TLE2: variants seen among roughly 807,000 people sequenced by gnomAD.
TLE2 encodes transducin-like enhancer protein 2.
Under a neutral mutation model 97.2 loss-of-function variants are expected in TLE2, and 74 were observed. The ratio of observed to expected loss-of-function variants is 0.76; its 90% CI spans 0.63 to 0.92. The LOEUF (loss-of-function observed/expected upper bound fraction) is 0.92, where lower values mean the gene tolerates loss of function less well. Among genes scored for constraint, TLE2 ranks in the 40% least tolerant of loss-of-function variants. The pLI, the probability that TLE2 is intolerant of heterozygous loss-of-function variation, is 0.00. For missense variants in TLE2, 1,038 were observed against 1,008.7 expected, an observed-to-expected ratio of 1.03 and a Z score of -0.39; for synonymous variants, 499 against 432.1, an observed-to-expected ratio of 1.15 and a Z score of -1.92.
chr19:3,039,051 A>AT (rs953294811), intron 1 of TLE2, among the ~76,000 whole-genome samples: 2 of 137,282 alleles, frequency 1.5e-5, no homozygotes, highest in African/African-American at 6.3e-5. Context: ...CTCAAAAAAA[A>AT]AATAAAAATT....
chr19:3,036,409 A>C (rs1417737981), intron 1 of TLE2, among the ~76,000 whole-genome samples: 1 of 152,082 alleles, frequency 6.6e-6, no homozygotes, highest in Admixed American at 6.5e-5. Context: ...CCGGCGCGGT[A>C]TAATTACAGC....
intron 4 of TLE2, among the ~76,000 whole-genome samples, chr19:3,026,401 T>A (rs557000741): frequency 1.4e-5 from 2 of 143,756 alleles, no homozygotes; most frequent in African/African-American, 5.2e-5. Context: ...TGAGCCAAGA[T>A]CAGGTCATTG....
intron 2 of TLE2, 124 bp from the exon 3 acceptor site, chr19:3,028,506 C>T (rs1214452644): frequency 7.5e-6 from 8 of 1,073,062 alleles, no homozygotes; most frequent in African/African-American, 1.6e-5. Flanking sequence ...TGTCCCAGTC[C>T]CTCCCCGCCC....
intron 5 of TLE2, among the ~76,000 whole-genome samples, chr19:3,022,938 C>CA (rs1178483762): frequency 6.6e-6 from 1 of 152,092 alleles, no homozygotes; most frequent in Non-Finnish European, 1.5e-5. Flanking sequence ...GTGGCTATGT[C>CA]AATAAAACTT....
chr19:3,009,982 TCAAG>T (rs930973235), intron 12 of TLE2, among the ~76,000 whole-genome samples: 53 of 150,868 alleles, frequency 3.5e-4, no homozygotes, highest in African/African-American at 1.2e-3. Context: ...CCTCCTGGGT[TCAAG>T]CAATTCTGCT....
chr19:3,017,864 C>T lies in TLE2; in HGVS notation c.551-5G>A. On this transcript the variant is annotated splice_region_variant and splice_polypyrimidine_tract_variant and intron_variant, in intron 7 of 19. Coordinates refer to ENST00000262953, the MANE Select transcript of TLE2 (RefSeq NM_003260.5). ...CCCTGCTCGGGGCTCTCTCCACTGA[C>T]AGATTGGGAATGGGATAAAGAGAAA... The T allele has an allele frequency of 1.2e-6, 2 of 1,612,260 alleles. No individual in the cohort carries two copies. Among genetic ancestry groups the T allele is most frequent in the South Asian group, 1.1e-5 (1 of 90,854 alleles).
chr19:3,007,040 C>G (rs1178624007), intron 14 of TLE2, among the ~76,000 whole-genome samples: 2 of 152,144 alleles, frequency 1.3e-5, no homozygotes, highest in East Asian at 3.9e-4. Flanking sequence ...CCGCCTCGGC[C>G]TCCCGAAGTG....
chr19:3,009,107 T>C (rs989922572), intron 13 of TLE2, among the ~76,000 whole-genome samples, 162 bp from the exon 14 acceptor site: 2 of 151,640 alleles, frequency 1.3e-5, no homozygotes, highest in Non-Finnish European at 2.9e-5. Context: ...AGGGCTGAGG[T>C]TTTCACTTGA....
At chr19:2,998,713 G>T (rs1034420958) in intron 19 of TLE2, among the ~76,000 whole-genome samples, 1 of 152,162 alleles carries the variant, frequency 6.6e-6, no homozygotes, top group South Asian at 2.1e-4. Flanking sequence ...GCGCCCGGCA[G>T]AGCGACTTGT....
At chr19:2,998,500 ACTC>A (rs971460331) in intron 19 of TLE2, among the ~76,000 whole-genome samples, 4 of 150,636 alleles carry the variant, frequency 2.7e-5, no homozygotes, top group African/African-American at 9.8e-5. Context: ...TTGGGCTTGA[ACTC>A]CTGACCTCAG....
chr19:3,029,408 C>G, upstream of TLE2: 1 of 731,118 alleles, frequency 1.4e-6, no homozygotes, highest in Non-Finnish European at 1.7e-6. Context: ...CGGGCACCCG[C>G]CCCCTTCCTT....
chr19:3,038,126 AAAT>A (rs1053017449), intron 1 of TLE2, among the ~76,000 whole-genome samples: 3 of 152,120 alleles, frequency 2.0e-5, no homozygotes, highest in Non-Finnish European at 2.9e-5. Context: ...TGTCTCAAAA[AAAT>A]AATAATAACA....
intron 1 of TLE2, among the ~76,000 whole-genome samples, chr19:3,040,915 G>T (rs538043609): frequency 4.2e-5 from 6 of 143,146 alleles, no homozygotes; most frequent in African/African-American, 1.5e-4. Flanking sequence ...GTGGACCTCC[G>T]TTTGCTCATC....
At chr19:3,041,374 G>C (rs1175077191) in intron 1 of TLE2, among the ~76,000 whole-genome samples, 1 of 152,076 alleles carries the variant, frequency 6.6e-6, no homozygotes, top group Non-Finnish European at 1.5e-5. Flanking sequence ...ACACACCATG[G>C]CCCTCCGAAT....
chr19:3,030,794 C>A (rs1730943689), upstream of TLE2, among the ~76,000 whole-genome samples: 1 of 151,760 alleles, frequency 6.6e-6, no homozygotes, highest in Non-Finnish European at 1.5e-5. Context: ...ACAAAAAATA[C>A]AAAAATAATT....
Position 3,005,492 on chromosome 19 carries a change from C to G in TLE2, c.1841G>C (p.Arg614Pro), listed in dbSNP as rs568657687. ...GCGGCCCTCCCGCAGGTCCCAGCAG[C>G]GCACCGTGTTGTCCAGGCCCCCTGT... ...LWTGGLDNTV[R>P]CWDLREGRQL... The change falls in exon 17 of 20, where the codon CGC becomes CCC. Residue 614 changes from arginine (R) to proline (P), a missense_variant. Transcript: ENST00000262953. 1.2e-6 allele frequency: 2 copies of G among 1,613,722 alleles called. No homozygotes were observed. The highest frequency in any genetic ancestry group is 1.7e-6 in the Non-Finnish European group (2 of 1,179,780).
intron 1 of TLE2, among the ~76,000 whole-genome samples, chr19:3,035,332 G>T (rs1457612289): frequency 6.6e-6 from 1 of 152,070 alleles, no homozygotes; most frequent in Non-Finnish European, 1.5e-5. Flanking sequence ...GTTCCAACGT[G>T]GGTAGAGTCC....
Position 3,019,269 on chromosome 19 carries a change from T to G in TLE2, c.550+14A>C. Reference sequence around the variant, plus strand: ...CGTCTCCCCAGCCAATGCCACCCCGTGCTGCCCACTCACCTCTGGACCCCT... The same window carrying G: ...CGTCTCCCCAGCCAATGCCACCCCGGGCTGCCCACTCACCTCTGGACCCCT... On this transcript the variant is annotated intron_variant, in intron 7 of 19. Transcript: ENST00000262953. The surrounding 1 kb of genome is among the most constrained non-coding windows in gnomAD (Gnocchi z 5.1). 1.3e-6 allele frequency: 2 copies of G among 1,568,148 alleles called. No individual in the cohort carries two copies. Among genetic ancestry groups the G allele is most frequent in the Non-Finnish European group, 8.6e-7 (1 of 1,165,366 alleles).
upstream of TLE2, chr19:3,047,570 AT>A (rs1439211802): frequency 6.6e-6 from 1 of 150,550 alleles, no homozygotes; most frequent in Non-Finnish European, 1.5e-5. Flanking sequence ...TACTATTGTT[AT>A]TATTATTATT....
Sources: allele counts gnomAD v4.1 joint callset (sites outside exome capture counted in the v4.1 genomes callset), GRCh38; gene constraint gnomAD v4.1.1; non-coding constraint Gnocchi (gnomAD v3.1); transcripts MANE v1.5; gene names NCBI Gene and HGNC (gene_info 2026-07-23, HGNC 2026-07-21).